The following IFI27L1 variants were observed in gnomAD, a reference collection of about 807,000 sequenced individuals.
IFI27L1 encodes the protein interferon alpha inducible protein 27 like 1.
Under a neutral mutation model 9.2 loss-of-function variants are expected in IFI27L1, and 3 were observed. The observed-to-expected ratio is 0.32, with a 90% CI of 0.15 to 0.84. IFI27L1 has a LOEUF of 0.84. Among genes scored for constraint, IFI27L1 ranks in the 40% least tolerant of loss-of-function variants. The pLI, the probability that IFI27L1 is intolerant of heterozygous loss-of-function variation, is 0.56. For missense variants in IFI27L1, 133 were observed against 134.2 expected (o/e 0.99, Z 0.05); for synonymous variants, 53 against 50.0 (o/e 1.06, Z -0.26).
chr14:94,088,539 G>A (rs959790464), intron 1 of IFI27L1, among the ~76,000 whole-genome samples: 14 of 139,092 alleles, frequency 1.0e-4, no homozygotes, highest in African/African-American at 2.2e-4. Context: ...TTGCTCTGTC[G>A]CCCAGGTTGG....
chr14:94,094,459 C>T (rs1433032840), intron 1 of IFI27L1, among the ~76,000 whole-genome samples: 2 of 152,058 alleles, frequency 1.3e-5, no homozygotes, highest in Admixed American at 6.5e-5. Context: ...TCCACCCTGC[C>T]GTTTCCTTGC....
Position 94,102,368 on chromosome 14 carries a change from C to T in IFI27L1, c.224-109C>T, listed in dbSNP as rs876851. ...AGCAGAGGTGGGGAACAGGGTTGGA[C>T]TGCCTGGGCCTCAGGTCTCTGGAGG... On this transcript the variant is annotated intron_variant, in intron 4 of 4. Transcript: ENST00000555523. The T allele has an allele frequency of 4.9e-3, 3,192 of 647,144 alleles. 71 individuals are homozygous for T. In the African/African-American group the frequency reaches 0.052, roughly 11 times the overall value. The allele number at this position is 647,144 out of a possible 1,614,324, so 40.1% of individuals were successfully genotyped here.
chr14:94,100,765 G>A lies in IFI27L1; in HGVS notation c.55G>A (p.Gly19Arg), dbSNP rs200682471. The change falls in exon 3 of 5, where the codon GGA becomes AGA. Residue 19 changes from glycine (G) to arginine (R), a missense_variant. By Grantham distance (125) the Gly-to-Arg change is moderately radical. Transcript: ENST00000555523. ...SGRAAVAAVVGGVVAVGTVLV... is the reference protein window; with the variant it reads ...SGRAAVAAVVRGVVAVGTVLV... Reference sequence around the variant, plus strand: ...CAGGGCTGCTGTAGCAGCTGTGGTCGGAGGAGGTGAGTCTCTATGGGAAGG... The same window carrying A: ...CAGGGCTGCTGTAGCAGCTGTGGTCAGAGGAGGTGAGTCTCTATGGGAAGG... The A allele has an allele frequency of 3.7e-5, 59 of 1,613,650 alleles. No individual in the cohort carries two copies. The highest frequency in any genetic ancestry group is 4.5e-5 in the Non-Finnish European group (53 of 1,179,924).
chr14:94,093,661 G>A (rs1886565905), intron 1 of IFI27L1, among the ~76,000 whole-genome samples: 1 of 152,204 alleles, frequency 6.6e-6, no homozygotes, highest in African/African-American at 2.4e-5. Flanking sequence ...GGCCCTGGTT[G>A]AAATCCTTAG....
At chr14:94,096,716 T>A in intron 1 of IFI27L1, 171 bp from the exon 2 acceptor site, 4 of 424,218 alleles carry the variant, frequency 9.4e-6, no homozygotes, top group Non-Finnish European at 1.7e-5. Context: ...AAAAAAAGGC[T>A]ATGCTTTAAA....
intron 1 of IFI27L1, among the ~76,000 whole-genome samples, chr14:94,095,555 G>A (rs868192389): frequency 2.6e-5 from 4 of 152,126 alleles, no homozygotes; most frequent in Admixed American, 6.5e-5. Context: ...TGGCACCAAC[G>A]TCTGCTCAGC....
intron 1 of IFI27L1, chr14:94,088,167 G>A (rs1485530020): frequency 1.2e-5 from 8 of 686,812 alleles, no homozygotes; most frequent in Non-Finnish European, 1.9e-5. Flanking sequence ...GTGCAAGGAT[G>A]TGAAGGTGGA....
chr14:94,092,210 A>G (rs1344548641), intron 1 of IFI27L1, among the ~76,000 whole-genome samples: 2 of 151,714 alleles, frequency 1.3e-5, no homozygotes, highest in Non-Finnish European at 2.9e-5. Flanking sequence ...ATTGATATCA[A>G]ATTCAATCCT....
intron 1 of IFI27L1, chr14:94,089,445 T>G (rs1246575785): frequency 1.3e-5 from 2 of 151,884 alleles, no homozygotes; most frequent in East Asian, 1.9e-4. Context: ...CTGCTGGGAG[T>G]GTCTTGTAGC....
chr14:94,082,423 G>A (rs1886139262), intron 1 of IFI27L1, among the ~76,000 whole-genome samples: 1 of 151,688 alleles, frequency 6.6e-6, no homozygotes, highest in African/African-American at 2.4e-5. Context: ...AGGTAAGATC[G>A]TTGATGAAGG....
chr14:94,100,603 G>C, intron 2 of IFI27L1, 136 bp from the exon 3 acceptor site: 1 of 1,562,134 alleles, frequency 6.4e-7, no homozygotes, highest in East Asian at 2.3e-5. Flanking sequence ...CTGACCTATG[G>C]CCTAGGATGA....
intron 2 of IFI27L1, among the ~76,000 whole-genome samples, chr14:94,098,981 GA>G (rs1193024163): frequency 6.6e-6 from 1 of 152,244 alleles, no homozygotes; most frequent in African/African-American, 2.4e-5. Flanking sequence ...TCCCTGAATG[GA>G]CAGAACTACC....
chr14:94,098,120 G>A (rs1413221665), intron 2 of IFI27L1, among the ~76,000 whole-genome samples: 2 of 152,170 alleles, frequency 1.3e-5, no homozygotes, highest in Admixed American at 6.5e-5. Context: ...TGAGGAAGAT[G>A]TGTCGGCTTC....
chr14:94,102,433 C>T (rs1000870243), intron 4 of IFI27L1, 44 bp from the exon 5 acceptor site: 15 of 1,307,322 alleles, frequency 1.1e-5, no homozygotes, highest in Non-Finnish European at 1.6e-5. Flanking sequence ...TTAGGAGCTG[C>T]TACCCCTCCC....
intron 2 of IFI27L1, chr14:94,097,597 T>A: frequency 1.4e-6 from 1 of 701,880 alleles, no homozygotes; most frequent in South Asian, 1.5e-5. Flanking sequence ...CCTCCAGTCA[T>A]CCCACTGAGA....
intron 1 of IFI27L1, among the ~76,000 whole-genome samples, chr14:94,092,160 AAGAG>A (rs1393645912): frequency 6.6e-6 from 1 of 151,562 alleles, no homozygotes; most frequent in Non-Finnish European, 1.5e-5. Context: ...AGAAAATCTT[AAGAG>A]AGAAAGCCAG....
intron 1 of IFI27L1, chr14:94,094,696 C>G (rs77753672): frequency 6.6e-6 from 1 of 152,052 alleles, no homozygotes; most frequent in Non-Finnish European, 1.5e-5. Flanking sequence ...TATTATCAGT[C>G]GAGCGGCCCA....
At chr14:94,100,598 C>T (rs907876991) in intron 2 of IFI27L1, 141 bp from the exon 3 acceptor site, 2 of 1,555,388 alleles carry the variant, frequency 1.3e-6, no homozygotes, top group Non-Finnish European at 8.6e-7. Context: ...CACCTCTGAC[C>T]TATGGCCTAG....
At chr14:94,099,117 T>C (rs1038979720) in intron 2 of IFI27L1, among the ~76,000 whole-genome samples, 1 of 152,086 alleles carries the variant, frequency 6.6e-6, no homozygotes, top group African/African-American at 2.4e-5. Context: ...AGGGAGACTT[T>C]GATGATGCAG....
Sources: gnomAD v4.1 joint callset for allele counts (sites outside exome capture counted in the v4.1 genomes callset) on GRCh38, gnomAD v4.1.1 for gene constraint, MANE v1.5 for transcripts, NCBI Gene and HGNC (gene_info 2026-07-23, HGNC 2026-07-21) for gene names.